Variants in CATSPERT observed in about 807,000 individuals in gnomAD.
CATSPERT encodes catsper channel auxiliary subunit tau, also known as cation channel sperm-associated targeting subunit tau.
chr2:201,590,438 A>G, the CATSPERT span, among the ~76,000 whole-genome samples: 7 of 152,258 alleles, frequency 4.6e-5, no homozygotes, highest in Non-Finnish European at 8.8e-5. Flanking sequence ...TAATGCCGCA[A>G]TAAACATATG....
At chr2:201,530,303 C>T in the CATSPERT span, among the ~76,000 whole-genome samples, 1 of 127,762 alleles carries the variant, frequency 7.8e-6, no homozygotes, top group African/African-American at 2.7e-5. Context: ...TCTGCATCCC[C>T]GTGTTTACTG....
chr2:201,585,979 C>T, the CATSPERT span, among the ~76,000 whole-genome samples: 1 of 152,176 alleles, frequency 6.6e-6, no homozygotes, highest in African/African-American at 2.4e-5. Flanking sequence ...TCCTCCGCCA[C>T]CCTTGAGACA....
At chr2:201,531,421 G>A in the CATSPERT span, among the ~76,000 whole-genome samples, 1 of 152,010 alleles carries the variant, frequency 6.6e-6, no homozygotes, top group Non-Finnish European at 1.5e-5. Flanking sequence ...AGATACAGTG[G>A]TAAATAAGAC....
the CATSPERT span, among the ~76,000 whole-genome samples, chr2:201,538,951 G>A: frequency 6.6e-6 from 1 of 152,060 alleles, no homozygotes; most frequent in East Asian, 1.9e-4. Context: ...TGTTGCTAAG[G>A]ATAATGGTCT....
chr2:201,490,022 A>G, the CATSPERT span, among the ~76,000 whole-genome samples: 2 of 152,036 alleles, frequency 1.3e-5, no homozygotes, highest in Admixed American at 1.3e-4. Flanking sequence ...ACACCCAGCT[A>G]ATTTTTGTAC....
At chr2:201,497,186 C>A in the CATSPERT span, among the ~76,000 whole-genome samples, 1 of 152,102 alleles carries the variant, frequency 6.6e-6, no homozygotes, top group Non-Finnish European at 1.5e-5. Context: ...TAATAAATGA[C>A]CCTATTCTTA....
the CATSPERT span, chr2:201,511,686 A>C: frequency 7.2e-5 from 11 of 151,972 alleles, no homozygotes; most frequent in Admixed American, 6.6e-4. Flanking sequence ...TAATTTATGA[A>C]CGGGCTCTAA....
the CATSPERT span, among the ~76,000 whole-genome samples, chr2:201,526,972 C>T: frequency 6.6e-6 from 1 of 152,154 alleles, no homozygotes; most frequent in African/African-American, 2.4e-5. Context: ...GTCAAACTAT[C>T]CCTTTTTGCA....
the CATSPERT span, among the ~76,000 whole-genome samples, chr2:201,532,014 T>G: frequency 6.6e-6 from 1 of 152,190 alleles, no homozygotes; most frequent in Non-Finnish European, 1.5e-5. Context: ...AAACAGCTTT[T>G]ATAGCAGACA....
chr2:201,594,686 T>C, the CATSPERT span, among the ~76,000 whole-genome samples: 200 of 152,134 alleles, frequency 1.3e-3, no homozygotes, highest in African/African-American at 4.6e-3. Flanking sequence ...TTCTTTTTAT[T>C]CTTTTTTCTC....
chr2:201,603,892 C>T, the CATSPERT span, among the ~76,000 whole-genome samples: 149,618 of 152,318 alleles, frequency 0.98, 73,532 homozygotes, highest in East Asian at 1. Context: ...CAAGTAAAAA[C>T]AACAGAAATA....
chr2:201,514,453 T>A, the CATSPERT span, among the ~76,000 whole-genome samples: 1 of 152,316 alleles, frequency 6.6e-6, no homozygotes, highest in South Asian at 2.1e-4. Context: ...ATCAGTAATT[T>A]CAGAAACAGC....
At chr2:201,536,398 C>A in the CATSPERT span, 1 of 1,473,646 alleles carries the variant, frequency 6.8e-7, no homozygotes, top group South Asian at 1.4e-5. Flanking sequence ...GAAAATGACT[C>A]AAAATCAATT....
At chr2:201,563,616 T>C in the CATSPERT span, among the ~76,000 whole-genome samples, 1 of 152,230 alleles carries the variant, frequency 6.6e-6, no homozygotes, top group Non-Finnish European at 1.5e-5. Flanking sequence ...TTTTCTACCA[T>C]CTTTTTGATA....
chr2:201,505,714 A>G, the CATSPERT span, among the ~76,000 whole-genome samples: 1 of 152,300 alleles, frequency 6.6e-6, no homozygotes, highest in Non-Finnish European at 1.5e-5. Flanking sequence ...GCAATGTAGT[A>G]CTCTGTACTG....
the CATSPERT span, chr2:201,492,228 T>C: frequency 6.6e-7 from 1 of 1,518,056 alleles, no homozygotes; most frequent in Non-Finnish European, 8.8e-7. Flanking sequence ...GACAGTCATC[T>C]CTAAAAGGTA....
At chr2:201,532,036 A>G in the CATSPERT span, among the ~76,000 whole-genome samples, 3 of 152,204 alleles carry the variant, frequency 2.0e-5, no homozygotes, top group African/African-American at 4.8e-5. Flanking sequence ...GAGAGATGAA[A>G]GTAGCTTGGT....
the CATSPERT span, among the ~76,000 whole-genome samples, chr2:201,511,179 T>C: frequency 5.3e-5 from 8 of 152,352 alleles, no homozygotes; most frequent in East Asian, 9.6e-4. Context: ...AGCGTTTTGA[T>C]GCAAATGCAA....
the CATSPERT span, among the ~76,000 whole-genome samples, chr2:201,491,014 C>T: frequency 8.3e-4 from 127 of 152,250 alleles, no homozygotes; most frequent in Non-Finnish European, 1.7e-3. Flanking sequence ...TGAGCCACCA[C>T]ACCTGGTCTT....
Sources: gnomAD v4.1 joint callset for allele counts (sites outside exome capture counted in the v4.1 genomes callset) on GRCh38, gnomAD v4.1.1 for gene constraint, MANE v1.5 for transcripts, NCBI Gene and HGNC (gene_info 2026-07-23, HGNC 2026-07-21) for gene names.